The following FHOD3 variants were observed in gnomAD, a reference collection of about 807,000 sequenced individuals.
FHOD3 encodes the protein FH1/FH2 domain-containing protein 3.
FHOD3 carries 90 observed loss-of-function variants against 173.0 expected under a neutral mutation model. The ratio of observed to expected loss-of-function variants is 0.52; its 90% CI spans 0.44 to 0.62. The LOEUF (loss-of-function observed/expected upper bound fraction) is 0.62, where lower values mean the gene tolerates loss of function less well. FHOD3 is among the 20% of genes least tolerant of loss of function. The pLI is 0.00. For missense variants in FHOD3, 1,945 were observed against 2,034.7 expected (o/e 0.96, Z 0.85); for synonymous variants, 828 against 823.0 (o/e 1.01, Z -0.10).
intron 5 of FHOD3, among the ~76,000 whole-genome samples, chr18:36,544,259 C>G (rs1157867126): frequency 6.6e-6 from 1 of 152,210 alleles, no homozygotes; most frequent in East Asian, 1.9e-4. Flanking sequence ...CACCTCCCCA[C>G]CCGATCTCCC....
At chr18:36,673,527 A>G (rs1026739866) in intron 14 of FHOD3, among the ~76,000 whole-genome samples, 1 of 152,094 alleles carries the variant, frequency 6.6e-6, no homozygotes, top group Non-Finnish European at 1.5e-5. Flanking sequence ...ATTCCTAATC[A>G]CCACTTAGTA....
intron 19 of FHOD3, among the ~76,000 whole-genome samples, chr18:36,721,988 A>G (rs1298816491): frequency 2.0e-5 from 3 of 152,212 alleles, no homozygotes; most frequent in African/African-American, 4.8e-5. Context: ...CATGAGCCAG[A>G]TCTAAGGCTG....
At chr18:36,669,245 A>G (rs1222223610) in intron 14 of FHOD3, among the ~76,000 whole-genome samples, 1 of 151,848 alleles carries the variant, frequency 6.6e-6, no homozygotes. Context: ...TCTTAGGTCT[A>G]CTTTATCTGG....
At chr18:36,754,147 C>G (rs935822196) in intron 24 of FHOD3, among the ~76,000 whole-genome samples, 6 of 152,120 alleles carry the variant, frequency 3.9e-5, no homozygotes, top group African/African-American at 1.4e-4. Context: ...TTCTAAGAGT[C>G]ATGTAGTTTT....
intron 1 of FHOD3, among the ~76,000 whole-genome samples, chr18:36,339,371 G>T (rs1467052620): frequency 6.6e-6 from 1 of 152,182 alleles, no homozygotes; most frequent in Non-Finnish European, 1.5e-5. Flanking sequence ...GTTGAGTGGT[G>T]GCCTGCCCTA....
At chr18:36,773,462 A>G (rs570669475) in intron 28 of FHOD3, among the ~76,000 whole-genome samples, 2 of 152,158 alleles carry the variant, frequency 1.3e-5, no homozygotes, top group Non-Finnish European at 2.9e-5. Flanking sequence ...GTTCAAATGG[A>G]ATCCATTTCC....
chr18:36,676,691 AT>A (rs1316885374), intron 14 of FHOD3, among the ~76,000 whole-genome samples: 1 of 152,174 alleles, frequency 6.6e-6, no homozygotes, highest in Non-Finnish European at 1.5e-5. Flanking sequence ...TCAGACATTA[AT>A]TTTTGTCAAT....
chr18:36,434,127 T>C (rs779335548), intron 3 of FHOD3, among the ~76,000 whole-genome samples: 4 of 152,236 alleles, frequency 2.6e-5, no homozygotes, highest in Non-Finnish European at 5.9e-5. Flanking sequence ...GTGTACTCTT[T>C]TATGTTATAT....
At chr18:36,757,708 C>T (rs2042691673) in intron 25 of FHOD3, among the ~76,000 whole-genome samples, 3 of 152,200 alleles carry the variant, frequency 2.0e-5, no homozygotes, top group Admixed American at 2.0e-4. Flanking sequence ...GCCTATCCCT[C>T]TTCTTCTCCC....
At chr18:36,388,972 C>T (rs1044199756) in intron 3 of FHOD3, among the ~76,000 whole-genome samples, 25 of 152,230 alleles carry the variant, frequency 1.6e-4, no homozygotes, top group African/African-American at 4.3e-4. Context: ...TGGGGGGCAC[C>T]GTGAGCAGGA....
chr18:36,463,536 C>T (rs753928414), intron 3 of FHOD3, among the ~76,000 whole-genome samples: 7 of 91,336 alleles, frequency 7.7e-5, no homozygotes, highest in East Asian at 3.8e-4. Context: ...CTTGCCATGT[C>T]GCCCCAGGCT....
intron 8 of FHOD3, among the ~76,000 whole-genome samples, chr18:36,607,360 G>A (rs2032196859): frequency 6.6e-6 from 1 of 152,200 alleles, no homozygotes; most frequent in Non-Finnish European, 1.5e-5. Flanking sequence ...AATTCTGGGA[G>A]CAGGATCCTG....
chr18:36,482,831 ACACACACACACACACT>A (rs915653911), intron 3 of FHOD3, among the ~76,000 whole-genome samples: 8 of 76,096 alleles, frequency 1.1e-4, no homozygotes, highest in African/African-American at 4.9e-4. Context: ...AAACACACAC[ACACACACACACACACT>A]CACACACACA....
intron 14 of FHOD3, among the ~76,000 whole-genome samples, chr18:36,671,680 C>A (rs1286233266): frequency 6.6e-6 from 1 of 152,152 alleles, no homozygotes; most frequent in Non-Finnish European, 1.5e-5. Context: ...TAAATTTGTC[C>A]ACTTGCTACA....
At chr18:36,756,553 G>A (rs1600581450) in intron 25 of FHOD3, among the ~76,000 whole-genome samples, 1 of 152,192 alleles carries the variant, frequency 6.6e-6, no homozygotes. Flanking sequence ...GCCGCCCTAT[G>A]TGCACAGACA....
intron 24 of FHOD3, 151 bp from the exon 25 acceptor site, chr18:36,754,968 T>G: frequency 1.1e-5 from 2 of 190,466 alleles, no homozygotes; most frequent in Non-Finnish European, 1.9e-5. Flanking sequence ...GTGTGGCTTG[T>G]TGGTTTCTTT....
intron 3 of FHOD3, among the ~76,000 whole-genome samples, chr18:36,436,236 A>G (rs182251391): frequency 1.1e-3 from 165 of 152,362 alleles, no homozygotes; most frequent in African/African-American, 3.8e-3. Context: ...TCTTGAAGGC[A>G]AGGAACCAGC....
Position 36,718,375 on chromosome 18 carries a change from C to T in FHOD3, c.3077C>T (p.Pro1026Leu), listed in dbSNP as rs761572972. ...GCCCCTGGGCCACCTCCCCCACCCC[C>T]ACCCACCTTTCTGGGTTTGCCGCCC... ...REAPGPPPPP[P>L]PTFLGLPPPP... is the part of the protein sequence containing the mutation. The change falls in exon 19 of 29, where the codon CCA becomes CTA. Residue 1026 changes from proline to leucine, a missense_variant. Transcript: ENST00000590592. 6.3e-7 allele frequency: 1 copy of T among 1,583,916 alleles called. No homozygotes were observed.
intron 28 of FHOD3, among the ~76,000 whole-genome samples, chr18:36,774,634 G>A (rs1057439465): frequency 6.6e-6 from 1 of 152,116 alleles, no homozygotes; most frequent in Non-Finnish European, 1.5e-5. Flanking sequence ...TTTTGTTGTT[G>A]TTCTGGGTTT....
Sources: gnomAD v4.1 joint callset for allele counts (sites outside exome capture counted in the v4.1 genomes callset) on GRCh38, gnomAD v4.1.1 for gene constraint, MANE v1.5 for transcripts, NCBI Gene and HGNC (gene_info 2026-07-23, HGNC 2026-07-21) for gene names.